ZNF708: variants seen among roughly 807,000 people sequenced by gnomAD.
ZNF708 encodes ZNF15, ZNF15L1.
ZNF708 carries 44 observed loss-of-function variants against 47.0 expected under a neutral mutation model. The ratio of observed to expected loss-of-function variants is 0.94; its 90% CI spans 0.74 to 1.20. The LOEUF is 1.20. Among genes scored for constraint, ZNF708 ranks in the 50% most tolerant of loss-of-function variants. The probability of loss-of-function intolerance (pLI) is 0.00; values close to 1 mark genes in which losing one functional copy is unlikely to be tolerated. For missense variants in ZNF708, 557 were observed against 656.0 expected, an observed-to-expected ratio of 0.85 and a Z score of 1.65; for synonymous variants, 184 against 218.5, an observed-to-expected ratio of 0.84 and a Z score of 1.39.
intron 3 of ZNF708, among the ~76,000 whole-genome samples, chr19:21,302,841 T>C (rs552430415): frequency 1.3e-5 from 2 of 151,000 alleles, no homozygotes; most frequent in South Asian, 4.2e-4. Context: ...CTACATAGAA[T>C]AAACAAAAAT....
intron 3 of ZNF708, chr19:21,306,897 TCAGGCCACTGCACTC>T (rs1972775904): frequency 6.6e-6 from 1 of 151,636 alleles, no homozygotes; most frequent in East Asian, 1.9e-4. Flanking sequence ...TTAGCTGAGA[TCAGGCCACTGCACTC>T]CAGTCTGGGC....
chr19:21,297,958 CTA>C, intron 3 of ZNF708, among the ~76,000 whole-genome samples: 1 of 75,386 alleles, frequency 1.3e-5, no homozygotes, highest in South Asian at 5.1e-4. Context: ...GAACAAATGA[CTA>C]GTGTGTGTGT....
intron 3 of ZNF708, among the ~76,000 whole-genome samples, chr19:21,305,770 T>A (rs567994655): frequency 6.6e-6 from 1 of 152,246 alleles, no homozygotes; most frequent in East Asian, 1.9e-4. Context: ...CTAAAATTTT[T>A]AAATTTGATT....
intron 1 of ZNF708, among the ~76,000 whole-genome samples, chr19:21,320,802 C>A (rs1476811453): frequency 6.6e-6 from 1 of 151,054 alleles, no homozygotes; most frequent in Admixed American, 6.6e-5. Flanking sequence ...AGCATTATAT[C>A]CTGTGCAGCA....
At chr19:21,324,875 C>T (rs1973225244) in intron 1 of ZNF708, among the ~76,000 whole-genome samples, 1 of 152,126 alleles carries the variant, frequency 6.6e-6, no homozygotes, top group Admixed American at 6.5e-5. Context: ...GGAGCTGATG[C>T]TTTCATGAAT....
chr19:21,301,970 C>T (rs547129111), intron 3 of ZNF708, among the ~76,000 whole-genome samples: 1 of 152,216 alleles, frequency 6.6e-6, no homozygotes, highest in East Asian at 1.9e-4. Flanking sequence ...ATGAAAAGTA[C>T]TACATGGTGT....
chr19:21,310,944 G>A (rs1972886950), intron 1 of ZNF708, among the ~76,000 whole-genome samples: 1 of 152,116 alleles, frequency 6.6e-6, no homozygotes, highest in African/African-American at 2.4e-5. Context: ...AATGACTTGT[G>A]TATATTTTTC....
intron 1 of ZNF708, among the ~76,000 whole-genome samples, chr19:21,316,541 G>A (rs1388842269): frequency 2.0e-5 from 3 of 152,250 alleles, no homozygotes; most frequent in Admixed American, 6.5e-5. Context: ...GGACATTTTA[G>A]CAAGAGGAGA....
At chr19:21,307,175 T>C (rs1972800206) in intron 3 of ZNF708, among the ~76,000 whole-genome samples, 1 of 134,570 alleles carries the variant, frequency 7.4e-6, no homozygotes, top group Admixed American at 7.3e-5. Context: ...TAAAATAAAA[T>C]AAAATACAAT....
In ZNF708 at chr19:21,307,012, A is replaced by ACAT. The variant is rs1555721662; in HGVS notation, c.226+2233_226+2234insATG. 35 of 144,036 alleles carry ACAT rather than the reference A, an allele frequency of 2.4e-4. 1 individual carries two copies. Among genetic ancestry groups the ACAT allele is most frequent in the African/African-American group, 8.7e-4 (33 of 37,924 alleles). 8.9% of individuals were successfully genotyped at this position (144,036 alleles called of 1,614,324 possible). On this transcript the variant is annotated intron_variant, in intron 3 of 3. Transcript: ENST00000356929. Reference sequence around the variant, plus strand: ...ACATAACATAACATAACATAACATAAAACATAACATAACATAACATACATA... The same window carrying ACAT: ...ACATAACATAACATAACATAACATAACATAACATAACATAACATAACATACATA...
Position 21,292,070 on chromosome 19 carries a change from T to C in ZNF708, c.*1204A>G, listed in dbSNP as rs916462303. 2 of 152,118 alleles carry C rather than the reference T, an allele frequency of 1.3e-5. No homozygotes were observed. The highest frequency in any genetic ancestry group is 2.9e-5 in the Non-Finnish European group (2 of 68,092). The allele number at this position is 152,118 out of a possible 1,614,324, so 9.4% of individuals were successfully genotyped here. ...GTTTTTGAGATGGAGTCTCACTCTG[T>C]CACCCGGCTGGAGTGCAGTGGTGCA... is the stretch of plus-strand genomic sequence containing the variant. On this transcript the variant is annotated 3_prime_UTR_variant, in exon 4 of 4. Transcript: ENST00000356929.
intron 1 of ZNF708, among the ~76,000 whole-genome samples, chr19:21,313,781 T>C (rs988003005): frequency 5.5e-5 from 8 of 146,068 alleles, no homozygotes; most frequent in Non-Finnish European, 1.2e-4. Context: ...AAAAAGTGTG[T>C]AGAATAAAAG....
chr19:21,319,574 C>T (rs757075643), intron 1 of ZNF708, among the ~76,000 whole-genome samples: 5 of 151,820 alleles, frequency 3.3e-5, no homozygotes, highest in African/African-American at 4.8e-5. Context: ...TATCAACCTC[C>T]GGAGTAGCTG....
chr19:21,309,972 AC>A (rs373043800), intron 2 of ZNF708, among the ~76,000 whole-genome samples: 7 of 152,374 alleles, frequency 4.6e-5, no homozygotes, highest in African/African-American at 1.7e-4. Flanking sequence ...AGTGAAGGAT[AC>A]AGATCAGCTC....
intron 1 of ZNF708, among the ~76,000 whole-genome samples, chr19:21,316,774 G>A (rs1254184148): frequency 6.6e-6 from 1 of 151,388 alleles, no homozygotes; most frequent in Non-Finnish European, 1.5e-5. Context: ...CCAATATGGT[G>A]AAATCCCATC....
At chr19:21,307,138 T>C (rs1463705893) in intron 3 of ZNF708, among the ~76,000 whole-genome samples, 1 of 130,312 alleles carries the variant, frequency 7.7e-6, no homozygotes, top group Non-Finnish European at 1.7e-5. Context: ...AAAAATAAAA[T>C]AAAATAAAAT....
chr19:21,320,616 C>A (rs1467344693), intron 1 of ZNF708, among the ~76,000 whole-genome samples: 4 of 151,826 alleles, frequency 2.6e-5, no homozygotes. Context: ...CTGCTCAAGC[C>A]CAGGAGATTG....
At chr19:21,306,997 AC>A (rs1972781583) in intron 3 of ZNF708, 1 of 149,694 alleles carries the variant, frequency 6.7e-6, no homozygotes, top group African/African-American at 2.5e-5. Flanking sequence ...ACATAACATA[AC>A]ATAACATAAC....
intron 1 of ZNF708, among the ~76,000 whole-genome samples, chr19:21,315,698 AT>A (rs1404412470): frequency 1.3e-5 from 2 of 152,140 alleles, no homozygotes; most frequent in African/African-American, 4.8e-5. Flanking sequence ...GTCTGTCAAC[AT>A]TTTTTTATTT....
Sources: gnomAD v4.1 joint callset for allele counts (sites outside exome capture counted in the v4.1 genomes callset) on GRCh38, gnomAD v4.1.1 for gene constraint, MANE v1.5 for transcripts, NCBI Gene and HGNC (gene_info 2026-07-23, HGNC 2026-07-21) for gene names.